Variants in MICU1 observed in about 807,000 individuals in gnomAD.
MICU1 encodes the protein mitochondrial calcium uptake 1, also known as calcium uptake protein 1, mitochondrial.
MICU1 carries 45 observed loss-of-function variants against 56.8 expected under a neutral mutation model. The observed-to-expected ratio is 0.79, with a 90% CI of 0.62 to 1.02. The LOEUF (loss-of-function observed/expected upper bound fraction) is 1.02, where lower values mean the gene tolerates loss of function less well. Ranked by LOEUF, MICU1 falls within the 50% of genes least tolerant of loss-of-function variation. MICU1 has a pLI of 0.00. For synonymous variants in MICU1, 186 were observed against 195.1 expected (o/e 0.95, Z 0.39); for missense variants, 504 against 587.1 (o/e 0.86, Z 1.46).
At chr10:72,608,592 A>G (rs1760553137) in intron 1 of MICU1, among the ~76,000 whole-genome samples, 2 of 152,240 alleles carry the variant, frequency 1.3e-5, no homozygotes, top group Non-Finnish European at 2.9e-5. Context: ...ATAAAAAACT[A>G]GAATATTTTC....
Position 72,370,764 on chromosome 10 carries a change from G to A in MICU1, c.1271-2409C>T, listed in dbSNP as rs186964168. On this transcript the variant is annotated intron_variant, in intron 11 of 11. Transcript: ENST00000361114. ...TTGTACTTTAGGCTGGGCACAGTGA[G>A]TCACGCTTGTAATCACAGCACTTTG... Among the ~76,000 whole-genome samples, 66 of 152,242 alleles carry A rather than the reference G, an allele frequency of 4.3e-4. 1 individual carries two copies. Among genetic ancestry groups the A allele is most frequent in the Non-Finnish European group, 1.0e-4 (7 of 68,022 alleles).
chr10:72,465,909 T>C (rs1865782057), intron 8 of MICU1, among the ~76,000 whole-genome samples: 1 of 152,190 alleles, frequency 6.6e-6, no homozygotes, highest in African/African-American at 2.4e-5. Context: ...GTTTGAGATA[T>C]AACAGCAAAA....
chr10:72,455,908 A>C (rs1865443590), intron 8 of MICU1, among the ~76,000 whole-genome samples: 1 of 152,136 alleles, frequency 6.6e-6, no homozygotes, highest in African/African-American at 2.4e-5. Flanking sequence ...GGACTGGAAA[A>C]CAGCAAGTAT....
chr10:72,501,272 TG>T (rs1035964152), intron 6 of MICU1, among the ~76,000 whole-genome samples: 7 of 152,124 alleles, frequency 4.6e-5, no homozygotes, highest in African/African-American at 1.7e-4. Context: ...ATATGAATTC[TG>T]AATTATAAGA....
At chr10:72,475,042 G>T in intron 8 of MICU1, 58 bp downstream of exon 8, 1 of 1,449,286 alleles carries the variant, frequency 6.9e-7, no homozygotes, top group Non-Finnish European at 9.4e-7. Flanking sequence ...TATAGTACAG[G>T]CCCTCCTGCC....
chr10:72,390,012 G>A (rs746969500), intron 10 of MICU1, among the ~76,000 whole-genome samples: 1 of 152,156 alleles, frequency 6.6e-6, no homozygotes, highest in African/African-American at 2.4e-5. Context: ...CCTGATAGTG[G>A]AGACACACAG....
In MICU1 at chr10:72,505,194, A is replaced by G. The variant is rs958610329; in HGVS notation, c.652+2961T>C. ...GGGTTTCACCATGTTGGCCAGGCTG[A>G]TCTTGAACTCCTGACCTCAAGTGAT... On this transcript the variant is annotated intron_variant, in intron 6 of 11. Transcript: ENST00000361114. Among the ~76,000 whole-genome samples the G allele has an allele frequency of 1.4e-4, 21 of 151,748 alleles. No individual in the cohort carries two copies. In the East Asian group the frequency reaches 4.1e-3, roughly 30 times the overall value.
chr10:72,507,535 T>C lies in MICU1; in HGVS notation c.652+620A>G, dbSNP rs116816345. ...GGAAATGATAGATCAAAATATGTGT[T>C]ATTGGAGAAGCAGTAAGTTAATGAA... On this transcript the variant is annotated intron_variant, in intron 6 of 11. Transcript: ENST00000361114. Among the ~76,000 whole-genome samples the C allele has an allele frequency of 7.4e-3, 1,134 of 152,308 alleles. 15 individuals are homozygous for C. The highest frequency in any genetic ancestry group is 0.026 in the African/African-American group (1,068 of 41,562).
rs1236344733 is a variant in MICU1, at chr10:72,431,086, A to ATCTG, written c.934-7719_934-7716dup. ...TTTCTACTGCTTTGAATATACCTTT[A>ATCTG]TCTGTCTGTCTATCTATCTATCTAT... On this transcript the variant is annotated intron_variant, in intron 8 of 11. Transcript: ENST00000361114. 5.7e-3 allele frequency among the ~76,000 whole-genome samples: 777 copies of ATCTG among 136,844 alleles called. 7 individuals carry two copies. Among genetic ancestry groups the ATCTG allele is most frequent in the African/African-American group, 0.017 (632 of 37,790 alleles). 89.8% of individuals were successfully genotyped at this position (136,844 alleles called of 152,430 possible). A position where few individuals can be genotyped will look rare whatever the true frequency, so the allele number is the denominator to read the frequency against.
intron 6 of MICU1, among the ~76,000 whole-genome samples, chr10:72,495,855 T>C (rs989020780): frequency 1.3e-5 from 2 of 152,090 alleles, no homozygotes; most frequent in African/African-American, 2.4e-5. Context: ...TATACATACA[T>C]AGAAAATAAC....
intron 8 of MICU1, among the ~76,000 whole-genome samples, chr10:72,442,734 A>T (rs1407861157): frequency 1.3e-5 from 2 of 152,138 alleles, no homozygotes; most frequent in Admixed American, 6.6e-5. Flanking sequence ...TCTAGACCTA[A>T]CAGAAGAGTA....
intron 1 of MICU1, among the ~76,000 whole-genome samples, chr10:72,604,273 T>C (rs1048782940): frequency 4.5e-4 from 55 of 122,284 alleles, no homozygotes; most frequent in African/African-American, 2.9e-3. Context: ...TTCCTGCCCT[T>C]TTTTTTTTTT....
chr10:72,576,601 A>G (rs1243564172), intron 1 of MICU1, among the ~76,000 whole-genome samples: 1 of 152,246 alleles, frequency 6.6e-6, no homozygotes, highest in Non-Finnish European at 1.5e-5. Context: ...AGTTGTCCTC[A>G]TAACATAAAA....
Sources: allele counts gnomAD v4.1 joint callset (sites outside exome capture counted in the v4.1 genomes callset), GRCh38; gene constraint gnomAD v4.1.1; transcripts MANE v1.5; gene names NCBI Gene and HGNC (gene_info 2026-07-23, HGNC 2026-07-21).